Variants in PPP1R3E observed in about 807,000 individuals in gnomAD.
PPP1R3E encodes the protein protein phosphatase 1, regulatory (inhibitor) subunit 3E.
Under a neutral mutation model 18.5 loss-of-function variants are expected in PPP1R3E, and 20 were observed. That is an observed-to-expected ratio of 1.08 (90% confidence interval 0.76 to 1.58). PPP1R3E has a LOEUF of 1.58. Ranked by LOEUF, PPP1R3E falls within the 40% of genes most tolerant of loss-of-function variation. The pLI is 0.00. For missense variants in PPP1R3E, 498 were observed against 460.2 expected (o/e 1.08, Z -0.75); for synonymous variants, 208 against 208.1 (o/e 1.00, Z 0.00).
rs1467811020 is a variant in PPP1R3E, at chr14:23,301,624, C to T, written c.652G>A (p.Ala218Thr). The stretch of plus-strand genomic sequence containing the variant: ...GGCAGGCGGAAGGCGAAGCGGTCGG[C>T]GCGCGGCGGGGGCGGGGCCGGACCG... Reference protein sequence around the residue: ...YAGPAPPPPRADRFAFRLPAP... With the variant: ...YAGPAPPPPRTDRFAFRLPAP... Residue 218 changes from alanine (A) to threonine (T), a missense_variant, in exon 2 of 5, where the codon GCC (alanine) becomes ACC (threonine). Coordinates refer to ENST00000452015, the MANE Select transcript of PPP1R3E (RefSeq NM_001276318.2). The T allele has an allele frequency of 7.2e-6, 10 of 1,398,574 alleles. No individual in the cohort carries two copies. The East Asian group carries it at 2.4e-4, about 34-fold the overall frequency. The allele number at this position is 1,398,574 out of a possible 1,614,324, so 86.6% of individuals were successfully genotyped here. A position where few individuals can be genotyped will look rare whatever the true frequency, so the allele number is the denominator to read the frequency against.
rs1012847322 is a variant in PPP1R3E at position 23,301,809 on chromosome 14, C to G, written c.467G>C (p.Arg156Pro). 6.8e-7 allele frequency: 1 copy of G among 1,471,526 alleles called. No homozygotes were observed. The highest frequency in any genetic ancestry group is 8.9e-7 in the Non-Finnish European group (1 of 1,119,862). The allele number at this position is 1,471,526 out of a possible 1,614,324, so 91.2% of individuals were successfully genotyped here. A position where few individuals can be genotyped will look rare whatever the true frequency, so the allele number is the denominator to read the frequency against. The change falls in exon 2 of 5, where the codon CGC becomes CCC. Residue 156 changes from arginine to proline, a missense_variant. By Grantham distance (103) the Arg-to-Pro change is moderately radical. Transcript: ENST00000452015. ...EPASEPGFAA[R>P]LLTQRICLER... ...CAGGCAGATGCGCTGCGTCAGCAAGCGGGCGGCGAAGCCGGGCTCGCTGGC... is the reference window on the plus strand; with the variant it reads ...CAGGCAGATGCGCTGCGTCAGCAAGGGGGCGGCGAAGCCGGGCTCGCTGGC...
At position 23,301,851 on chromosome 14, in the gene PPP1R3E, C is replaced by T. The variant is rs777212182; in HGVS notation, c.425G>A (p.Arg142His). The T allele has an allele frequency of 4.9e-6, 7 of 1,439,096 alleles. No homozygotes were observed. The highest frequency in any genetic ancestry group is 2.8e-5 in the South Asian group (2 of 71,922). The allele number at this position is 1,439,096 out of a possible 1,614,324, so 89.1% of individuals were successfully genotyped here. The change falls in exon 2 of 5, where the codon CGC becomes CAC. Residue 142 changes from arginine to histidine, a missense_variant. Arg to His is a conservative substitution (Grantham distance 29, BLOSUM62 0). Coordinates refer to ENST00000452015, the MANE Select transcript of PPP1R3E (RefSeq NM_001276318.2). Reference sequence around the variant, plus strand: ...CTCGCTGGCCGGCTCCAGGGCGGCGCGCGCCTCCTGGGGGAAAGAAGAAGC... The same window carrying T: ...CTCGCTGGCCGGCTCCAGGGCGGCGTGCGCCTCCTGGGGGAAAGAAGAAGC... ...QPRARGLQEARAALEPASEPG... is the reference protein window; with the variant it reads ...QPRARGLQEAHAALEPASEPG...
chr14:23,301,414 C>A lies in PPP1R3E; in HGVS notation c.*22G>T. The A allele has an allele frequency of 7.3e-7, 1 of 1,364,886 alleles. No homozygotes were observed. Among genetic ancestry groups the A allele is most frequent in the Non-Finnish European group, 9.5e-7 (1 of 1,055,230 alleles). 84.5% of individuals were successfully genotyped at this position (1,364,886 alleles called of 1,614,324 possible). A position where few individuals can be genotyped will look rare whatever the true frequency, so the allele number is the denominator to read the frequency against. On this transcript the variant is annotated 3_prime_UTR_variant, in exon 2 of 5. Coordinates refer to ENST00000452015, the MANE Select transcript of PPP1R3E (RefSeq NM_001276318.2). ...CCCGGGTGCCTTTGGTGTTTTCCGC[C>A]GTCGGCCGCAGGCGCCTCGTCTCAG... is the stretch of plus-strand genomic sequence containing the variant.
intron 1 of PPP1R3E, 53 bp from the exon 2 acceptor site, chr14:23,301,911 G>A: frequency 7.2e-7 from 1 of 1,391,372 alleles, no homozygotes. Context: ...AGAGGGGAGA[G>A]ACAGGGGGCG....
Position 23,301,397 on chromosome 14 carries a change from C to G in PPP1R3E, c.*39G>C. The G allele has an allele frequency of 7.5e-7, 1 of 1,338,938 alleles. No individual in the cohort carries two copies. Among genetic ancestry groups the G allele is most frequent in the Non-Finnish European group, 9.6e-7 (1 of 1,042,354 alleles). 82.9% of individuals were successfully genotyped at this position (1,338,938 alleles called of 1,614,324 possible). On this transcript the variant is annotated 3_prime_UTR_variant, in exon 2 of 5. Transcript: ENST00000452015. ...CATCGGGTCGCCCCGCCCCCGGGTG[C>G]CTTTGGTGTTTTCCGCCGTCGGCCG...
In PPP1R3E at chr14:23,301,751, G is replaced by C; in HGVS notation, c.525C>G (p.Ala175=). 7.0e-7 allele frequency: 1 copy of C among 1,419,276 alleles called. No individual in the cohort carries two copies. The highest frequency in any genetic ancestry group is 9.2e-7 in the Non-Finnish European group (1 of 1,089,948). 87.9% of individuals were successfully genotyped at this position (1,419,276 alleles called of 1,614,324 possible). The change falls in exon 2 of 5, where the codon GCC becomes GCG. Residue 175 remains alanine (A), a synonymous_variant. Transcript: ENST00000452015. ...CCAGGTCCACCACGCGCGCGCTCCCGGCCACGCCCAGCGGGCCCGCCTCGG... is the reference window on the plus strand; with the variant it reads ...CCAGGTCCACCACGCGCGCGCTCCCCGCCACGCCCAGCGGGCCCGCCTCGG... ...ERAEAGPLGV[A]GSARVVDLAY...
rs1886861452 is a variant in PPP1R3E, at chr14:23,295,722, A to G, written c.*3582T>C. The G allele has an allele frequency of 5.4e-6, 1 of 185,514 alleles. No homozygotes were observed. Among genetic ancestry groups the G allele is most frequent in the Non-Finnish European group, 1.1e-5 (1 of 89,516 alleles). 11.5% of individuals were successfully genotyped at this position (185,514 alleles called of 1,614,324 possible). A position where few individuals can be genotyped will look rare whatever the true frequency, so the allele number is the denominator to read the frequency against. Reference sequence around the variant, plus strand: ...AGGTGGGGAAGTAAAGCATTAATGCAAGTCAAAATGTTTCAGTGAACATTT... The same window carrying G: ...AGGTGGGGAAGTAAAGCATTAATGCGAGTCAAAATGTTTCAGTGAACATTT... On this transcript the variant is annotated 3_prime_UTR_variant, in exon 5 of 5. Coordinates refer to ENST00000452015, the MANE Select transcript of PPP1R3E (RefSeq NM_001276318.2).
At position 23,301,292 on chromosome 14, in the gene PPP1R3E, C is replaced by A; in HGVS notation, c.*138+6G>T. 1.6e-5 allele frequency: 4 copies of A among 248,518 alleles called. No homozygotes were observed. The highest frequency in any genetic ancestry group is 2.2e-5 in the Non-Finnish European group (4 of 181,886). 15.4% of individuals were successfully genotyped at this position (248,518 alleles called of 1,614,324 possible). A position where few individuals can be genotyped will look rare whatever the true frequency, so the allele number is the denominator to read the frequency against. On this transcript the variant is annotated splice_donor_region_variant and intron_variant, in intron 2 of 4. Transcript: ENST00000452015. ...CCCCACGCCCCCACGCCCCTGATTTCCCCACCCTTTTCGCCCTCCCCGGCT... is the reference window on the plus strand; with the variant it reads ...CCCCACGCCCCCACGCCCCTGATTTACCCACCCTTTTCGCCCTCCCCGGCT...
In PPP1R3E at chr14:23,302,276, C is replaced by G; in HGVS notation, c.301G>C (p.Val101Leu). ...AGCTCACCGGGACGGAAGCGGCGCA[C>G]GACAGCCAGCTCCAACCCCAGTGCG... ...ADALGLELAV[V>L]RRFRPGELPR... The change falls in exon 1 of 5, where the codon GTG (valine) becomes CTG (leucine). Residue 101 changes from valine (V) to leucine (L), a missense_variant. Transcript: ENST00000452015. 1 of 1,521,926 alleles carries G rather than the reference C, an allele frequency of 6.6e-7. No individual in the cohort carries two copies. Among genetic ancestry groups the G allele is most frequent in the Non-Finnish European group, 8.8e-7 (1 of 1,142,222 alleles). 94.3% of individuals were successfully genotyped at this position (1,521,926 alleles called of 1,614,324 possible).
chr14:23,301,403 G>A lies in PPP1R3E; in HGVS notation c.*33C>T. 7.4e-7 allele frequency: 1 copy of A among 1,343,084 alleles called. No individual in the cohort carries two copies. Among genetic ancestry groups the A allele is most frequent in the East Asian group, 3.1e-5 (1 of 32,592 alleles). 83.2% of individuals were successfully genotyped at this position (1,343,084 alleles called of 1,614,324 possible). ...GTCGCCCCGCCCCCGGGTGCCTTTG[G>A]TGTTTTCCGCCGTCGGCCGCAGGCG... is the stretch of plus-strand genomic sequence containing the variant. On this transcript the variant is annotated 3_prime_UTR_variant, in exon 2 of 5. Coordinates refer to ENST00000452015, the MANE Select transcript of PPP1R3E (RefSeq NM_001276318.2).
rs1021468688 is a variant in PPP1R3E, at chr14:23,301,720, C to G, written c.556G>C (p.Glu186Gln). 30 of 1,406,308 alleles carry G rather than the reference C, an allele frequency of 2.1e-5. No individual in the cohort carries two copies. Among genetic ancestry groups the G allele is most frequent in the Non-Finnish European group, 2.8e-5 (30 of 1,082,146 alleles). The allele number at this position is 1,406,308 out of a possible 1,614,324, so 87.1% of individuals were successfully genotyped here. ...CTCCAGCGCACGCTCACGCGCTTCT[C>G]GTAGGCCAGGTCCACCACGCGCGCG... The part of the protein sequence containing the change: ...GSARVVDLAY[E>Q]KRVSVRWSAD... The change falls in exon 2 of 5, where the codon GAG becomes CAG. Residue 186 changes from glutamate to glutamine, a missense_variant. Glu to Gln is a conservative substitution (Grantham distance 29). Coordinates refer to ENST00000452015, the MANE Select transcript of PPP1R3E (RefSeq NM_001276318.2).
chr14:23,301,441 T>C lies in PPP1R3E; in HGVS notation c.835A>G (p.Ile279Val), dbSNP rs1388651925. ...TCGGCCGCAGGCGCCTCGTCTCAGA[T>C]AAAGTGGATCCAGCCCTGCGGCTCC... ...APEPQGWIHF[I>V] Residue 279 changes from isoleucine to valine, a missense_variant, in exon 2 of 5, where the codon ATC becomes GTC. Physicochemically the swap from Ile to Val is conservative, Grantham distance 29. Coordinates refer to ENST00000452015, the MANE Select transcript of PPP1R3E (RefSeq NM_001276318.2). 22 of 1,437,572 alleles carry C rather than the reference T, an allele frequency of 1.5e-5. No homozygotes were observed. The highest frequency in any genetic ancestry group is 2.0e-5 in the Non-Finnish European group (22 of 1,099,840). 89.1% of individuals were successfully genotyped at this position (1,437,572 alleles called of 1,614,324 possible). A position where few individuals can be genotyped will look rare whatever the true frequency, so the allele number is the denominator to read the frequency against.
rs1392768687 is a variant in PPP1R3E, at chr14:23,301,670, G to A, written c.606C>T (p.Arg202=). ...RWSADGWRSQ[R]EAPAAYAGPA... is the part of the protein sequence containing the mutation. ...GACCGGCGTAGGCGGCTGGCGCCTC[G>A]CGTTGGCTCCGCCAGCCGTCGGCGC... Residue 202 remains arginine (R), a synonymous_variant, in exon 2 of 5, where the codon CGC becomes CGT. Coordinates refer to ENST00000452015, the MANE Select transcript of PPP1R3E (RefSeq NM_001276318.2). 3.0e-6 allele frequency: 4 copies of A among 1,315,094 alleles called. No individual in the cohort carries two copies. Among genetic ancestry groups the A allele is most frequent in the Non-Finnish European group, 3.9e-6 (4 of 1,037,196 alleles). 81.5% of individuals were successfully genotyped at this position (1,315,094 alleles called of 1,614,324 possible).
Position 23,301,477 on chromosome 14 carries a change from C to G in PPP1R3E, c.799G>C (p.Gly267Arg), listed in dbSNP as rs1396296071. The G allele has an allele frequency of 3.4e-6, 5 of 1,465,144 alleles. No homozygotes were observed. Among genetic ancestry groups the G allele is most frequent in the Non-Finnish European group, 4.5e-6 (5 of 1,112,054 alleles). 90.8% of individuals were successfully genotyped at this position (1,465,144 alleles called of 1,614,324 possible). A position where few individuals can be genotyped will look rare whatever the true frequency, so the allele number is the denominator to read the frequency against. The change falls in exon 2 of 5, where the codon GGC (glycine) becomes CGC (arginine). Residue 267 changes from glycine to arginine, a missense_variant. Transcript: ENST00000452015. ...ALRGPEHPGS[G>R]GAPEPQGWIH... ...CAGCCCTGCGGCTCCGGAGCTCCGC[C>G]ACTGCCCGGGTGCTCGGGCCCACGT...
intron 1 of PPP1R3E, 72 bp from the exon 2 acceptor site, chr14:23,301,930 G>T: frequency 7.4e-7 from 1 of 1,359,458 alleles, no homozygotes; most frequent in Admixed American, 3.7e-5. Flanking sequence ...CGGTGTCAGA[G>T]CAAGGCACTG....
In PPP1R3E at chr14:23,297,471, G is replaced by T. The variant is rs1272589373; in HGVS notation, c.*1833C>A. ...GTGCCGGATCAACTCAACCCAAGGT[G>T]AGGAAAAGCCAGGGGGTTGGGAAAA... On this transcript the variant is annotated 3_prime_UTR_variant, in exon 5 of 5. Transcript: ENST00000452015. The T allele has an allele frequency of 6.6e-6, 1 of 152,370 alleles. No individual in the cohort carries two copies. The highest frequency in any genetic ancestry group is 6.5e-5 in the Admixed American group (1 of 15,292). 9.4% of individuals were successfully genotyped at this position (152,370 alleles called of 1,614,324 possible).
At position 23,296,346 on chromosome 14, in the gene PPP1R3E, G is replaced by A. The variant is rs182819195; in HGVS notation, c.*2958C>T. The A allele has an allele frequency of 6.6e-6, 1 of 152,142 alleles. No individual in the cohort carries two copies. The highest frequency in any genetic ancestry group is 1.9e-4 in the East Asian group (1 of 5,180). The allele number at this position is 152,142 out of a possible 1,614,324, so 9.4% of individuals were successfully genotyped here. On this transcript the variant is annotated 3_prime_UTR_variant, in exon 5 of 5. Coordinates refer to ENST00000452015, the MANE Select transcript of PPP1R3E (RefSeq NM_001276318.2). Reference sequence around the variant, plus strand: ...TTGCCATGAAGAATCACGGGCTTGTGTAGAGACCTCTTTCTTTTCTTTTTT... The same window carrying A: ...TTGCCATGAAGAATCACGGGCTTGTATAGAGACCTCTTTCTTTTCTTTTTT...
chr14:23,299,198 T>G (rs1886955552), intron 4 of PPP1R3E, among the ~76,000 whole-genome samples: 1 of 152,194 alleles, frequency 6.6e-6, no homozygotes, highest in Non-Finnish European at 1.5e-5. Context: ...ACTCCTGACC[T>G]CAAATGATCC....
rs1214403370 is a variant in PPP1R3E, at chr14:23,296,218, G to A, written c.*3086C>T. 1 of 152,222 alleles carries A rather than the reference G, an allele frequency of 6.6e-6. No homozygotes were observed. Among genetic ancestry groups the A allele is most frequent in the Non-Finnish European group, 1.5e-5 (1 of 68,048 alleles). The allele number at this position is 152,222 out of a possible 1,614,324, so 9.4% of individuals were successfully genotyped here. On this transcript the variant is annotated 3_prime_UTR_variant, in exon 5 of 5. Transcript: ENST00000452015. The stretch of plus-strand genomic sequence containing the variant: ...ACATCAACAAAAGTGCCAAAGCTGA[G>A]GACACAGAGAATACCATCATTGTCT...
Sources: gnomAD v4.1 joint callset for allele counts (sites outside exome capture counted in the v4.1 genomes callset) on GRCh38, gnomAD v4.1.1 for gene constraint, MANE v1.5 for transcripts, NCBI Gene and HGNC (gene_info 2026-07-23, HGNC 2026-07-21) for gene names.